LCLAT1: variants seen among roughly 807,000 people sequenced by gnomAD.
LCLAT1 encodes lysocardiolipin acyltransferase 1.
In LCLAT1, 11 loss-of-function variants were observed where a neutral mutation model predicts 30.7. The ratio of observed to expected loss-of-function variants is 0.36; its 90% CI spans 0.23 to 0.59. The LOEUF (loss-of-function observed/expected upper bound fraction) is 0.59. Ranked by LOEUF, LCLAT1 falls within the 20% of genes least tolerant of loss-of-function variation. LCLAT1 has a pLI of 0.77. For missense variants in LCLAT1, 402 were observed against 458.6 expected (o/e 0.88, Z 1.13); for synonymous variants, 155 against 151.3 (o/e 1.02, Z -0.18).
At chr2:30,457,567 G>GT (rs1357160042) in intron 1 of LCLAT1, among the ~76,000 whole-genome samples, 3 of 152,202 alleles carry the variant, frequency 2.0e-5, no homozygotes, top group African/African-American at 4.8e-5. Flanking sequence ...GAAGAAGCCA[G>GT]TTTTTTATCT....
chr2:30,476,502 C>T (rs1405310654), intron 1 of LCLAT1: 3 of 456,448 alleles, frequency 6.6e-6, no homozygotes, highest in East Asian at 6.9e-5. Flanking sequence ...ACTGTGCTTG[C>T]AGGGGATCTA....
chr2:30,640,722 T>A lies in LCLAT1; in HGVS notation c.*103T>A, dbSNP rs943602735. 24 of 1,303,502 alleles carry A rather than the reference T, an allele frequency of 1.8e-5. No individual in the cohort carries two copies. In the African/African-American group the frequency reaches 3.3e-4, roughly 18 times the overall value. The allele number at this position is 1,303,502 out of a possible 1,614,324, so 80.7% of individuals were successfully genotyped here. A position where few individuals can be genotyped will look rare whatever the true frequency, so the allele number is the denominator to read the frequency against. On this transcript the variant is annotated 3_prime_UTR_variant, in exon 6 of 6. Transcript: ENST00000379509. ...TTGCATGACTATGTCGAATATTTCT[T>A]ACTGCCATCATTATTTGTTAAAGAT...
intron 3 of LCLAT1, among the ~76,000 whole-genome samples, chr2:30,554,861 TATGAG>T (rs1395367490): frequency 6.6e-6 from 1 of 152,058 alleles, no homozygotes; most frequent in Non-Finnish European, 1.5e-5. Context: ...AAATGAAAAG[TATGAG>T]AGGAGAGATC....
At chr2:30,522,294 G>T (rs944105821) in intron 1 of LCLAT1, among the ~76,000 whole-genome samples, 1 of 152,148 alleles carries the variant, frequency 6.6e-6, no homozygotes, top group Non-Finnish European at 1.5e-5. Context: ...ATCCCATTTT[G>T]CATTCCCACC....
intron 1 of LCLAT1, among the ~76,000 whole-genome samples, chr2:30,490,790 C>T (rs189535509): frequency 3.3e-5 from 5 of 152,212 alleles, no homozygotes; most frequent in East Asian, 3.9e-4. Flanking sequence ...CACACCTATG[C>T]GCAGAAGTAT....
chr2:30,553,473 T>C (rs528166994), intron 3 of LCLAT1, among the ~76,000 whole-genome samples: 3 of 152,332 alleles, frequency 2.0e-5, no homozygotes, highest in African/African-American at 7.2e-5. Flanking sequence ...CCAGCCCTCG[T>C]CTGAGAAATT....
At chr2:30,606,284 A>T (rs1259268115) in intron 5 of LCLAT1, 1 of 309,816 alleles carries the variant, frequency 3.2e-6, no homozygotes, top group Non-Finnish European at 6.3e-6. Flanking sequence ...AGCCAAGACA[A>T]TCTTAAGCAA....
At chr2:30,474,815 A>G (rs1682966870) in intron 1 of LCLAT1, among the ~76,000 whole-genome samples, 1 of 151,202 alleles carries the variant, frequency 6.6e-6, no homozygotes, top group Non-Finnish European at 1.5e-5. Context: ...CACATGGCTA[A>G]TTTTTAAAAA....
At chr2:30,458,873 T>C (rs1681962998) in intron 1 of LCLAT1, among the ~76,000 whole-genome samples, 1 of 152,182 alleles carries the variant, frequency 6.6e-6, no homozygotes, top group African/African-American at 2.4e-5. Flanking sequence ...GTCTACTGTG[T>C]GAATGTAAGA....
intron 2 of LCLAT1, among the ~76,000 whole-genome samples, chr2:30,526,563 T>A (rs1685731659): frequency 6.6e-6 from 1 of 152,222 alleles, no homozygotes; most frequent in Non-Finnish European, 1.5e-5. Flanking sequence ...TAGTACCTTT[T>A]ACTCTGTCAG....
chr2:30,610,984 ATTTTG>A (rs1419763716), intron 5 of LCLAT1, among the ~76,000 whole-genome samples: 1 of 148,532 alleles, frequency 6.7e-6, no homozygotes, highest in Non-Finnish European at 1.5e-5. Context: ...ACTGAGTTTA[ATTTTG>A]TTTTTTTTTC....
chr2:30,448,550 G>C lies in LCLAT1; in HGVS notation c.-5+1167G>C, dbSNP rs977609402. ...AAAACGTAATAGCGCTTGTGTTTCA[G>C]TCATCAATAGCTGCAATCTCTGGAG... is the stretch of plus-strand genomic sequence containing the variant. On this transcript the variant is annotated intron_variant, in intron 1 of 5. Coordinates refer to ENST00000379509, the MANE Select transcript of LCLAT1 (RefSeq NM_001002257.3). Among the ~76,000 whole-genome samples the C allele has an allele frequency of 5.9e-5, 9 of 152,182 alleles. No individual in the cohort carries two copies. In the South Asian group the frequency reaches 1.9e-3, roughly 31 times the overall value.
intron 1 of LCLAT1, among the ~76,000 whole-genome samples, chr2:30,477,625 C>G (rs1160795006): frequency 6.6e-6 from 1 of 152,136 alleles, no homozygotes; most frequent in East Asian, 1.9e-4. Context: ...CTGCGCATAC[C>G]TAAAGACTTG....
intron 5 of LCLAT1, among the ~76,000 whole-genome samples, chr2:30,633,767 AGTT>A (rs1443541873): frequency 6.6e-6 from 1 of 152,222 alleles, no homozygotes; most frequent in East Asian, 1.9e-4. Flanking sequence ...GAAAAATTTT[AGTT>A]GTTATGAGAT....
chr2:30,617,830 TA>T (rs1340529400), intron 5 of LCLAT1, among the ~76,000 whole-genome samples: 4 of 152,214 alleles, frequency 2.6e-5, no homozygotes, highest in African/African-American at 9.6e-5. Context: ...TTATCCAATT[TA>T]AAACATTGGG....
At chr2:30,524,095 T>C (rs1685598872) in intron 1 of LCLAT1, among the ~76,000 whole-genome samples, 1 of 152,228 alleles carries the variant, frequency 6.6e-6, no homozygotes, top group African/African-American at 2.4e-5. Context: ...CGTTTTAATG[T>C]TTCTAAAAAT....
intron 2 of LCLAT1, among the ~76,000 whole-genome samples, chr2:30,528,527 TA>T (rs1228826325): frequency 6.6e-6 from 1 of 152,206 alleles, no homozygotes; most frequent in Non-Finnish European, 1.5e-5. Context: ...TAAAGATAGA[TA>T]TTTTTAAACA....
chr2:30,635,079 G>T (rs1037715141), intron 5 of LCLAT1, among the ~76,000 whole-genome samples: 2 of 152,070 alleles, frequency 1.3e-5, no homozygotes, highest in African/African-American at 4.8e-5. Flanking sequence ...TGTGTTTGGA[G>T]ATATTTACTT....
At chr2:30,610,492 T>C (rs1323113351) in intron 5 of LCLAT1, among the ~76,000 whole-genome samples, 1 of 152,164 alleles carries the variant, frequency 6.6e-6, no homozygotes, top group Non-Finnish European at 1.5e-5. Context: ...CTGGTGGAAA[T>C]TGTTTTTAAC....
Sources: gnomAD v4.1 joint callset for allele counts (sites outside exome capture counted in the v4.1 genomes callset) on GRCh38, gnomAD v4.1.1 for gene constraint, MANE v1.5 for transcripts, NCBI Gene and HGNC (gene_info 2026-07-23, HGNC 2026-07-21) for gene names.